ALPK2: variants seen among roughly 807,000 people sequenced by gnomAD.
ALPK2 encodes the protein alpha-protein kinase 2.
Under a neutral mutation model 163.1 loss-of-function variants are expected in ALPK2, and 127 were observed. The ratio of observed to expected loss-of-function variants is 0.78; its 90% CI spans 0.67 to 0.90. The LOEUF (loss-of-function observed/expected upper bound fraction) is 0.90. ALPK2 is among the 40% of genes least tolerant of loss of function. ALPK2 has a pLI of 0.00. For missense variants in ALPK2, 2,360 were observed against 2,589.6 expected, an observed-to-expected ratio of 0.91 and a Z score of 1.92; for synonymous variants, 953 against 959.1, an observed-to-expected ratio of 0.99 and a Z score of 0.12.
At chr18:58,547,296 A>G (rs1272139627) in intron 4 of ALPK2, among the ~76,000 whole-genome samples, 1 of 152,156 alleles carries the variant, frequency 6.6e-6, no homozygotes, top group Non-Finnish European at 1.5e-5. Context: ...AGGGAAAAGG[A>G]TACAGCATGT....
chr18:58,568,907 G>A (rs2051870875), intron 4 of ALPK2, among the ~76,000 whole-genome samples: 1 of 152,126 alleles, frequency 6.6e-6, no homozygotes. Flanking sequence ...CAGATACCAA[G>A]AGACAAGTCT....
Position 58,574,541 on chromosome 18 carries a change from C to T in ALPK2, c.1962+4273G>A, listed in dbSNP as rs555517537. ...GTAACTGTCTGTCTCCTGTTAGGAA[C>T]TGGGCCACGCAGCAGGAGGTGGGTG... On this transcript the variant is annotated intron_variant, in intron 4 of 12. Coordinates refer to ENST00000361673, the MANE Select transcript of ALPK2 (RefSeq NM_052947.4). Among the ~76,000 whole-genome samples the T allele has an allele frequency of 2.6e-5, 4 of 151,618 alleles. No homozygotes were observed. The South Asian group carries it at 8.3e-4, about 32-fold the overall frequency.
chr18:58,574,290 A>AG (rs1407174561), intron 4 of ALPK2, among the ~76,000 whole-genome samples: 2 of 151,600 alleles, frequency 1.3e-5, no homozygotes, highest in East Asian at 3.9e-4. Flanking sequence ...TAAAAAAAAA[A>AG]AAACAAAAAT....
At chr18:58,622,843 C>T (rs888692032) in intron 1 of ALPK2, among the ~76,000 whole-genome samples, 8 of 152,234 alleles carry the variant, frequency 5.3e-5, no homozygotes, top group Non-Finnish European at 8.8e-5. Context: ...ACTCCAAAGC[C>T]GCTCCAACTA....
In ALPK2 at chr18:58,590,752, TGAG is replaced by T. The variant is rs575143071; in HGVS notation, c.228-10207_228-10205del. ...AGTAACTTGATACCTTTCAAAACAA[TGAG>T]GAGATTCCTCATACATTTACCAATT... On this transcript the variant is annotated intron_variant, in intron 3 of 12. Coordinates refer to ENST00000361673, the MANE Select transcript of ALPK2 (RefSeq NM_052947.4). Among the ~76,000 whole-genome samples, 17 of 152,354 alleles carry T rather than the reference TGAG, an allele frequency of 1.1e-4. No homozygotes were observed. In the East Asian group the frequency reaches 2.7e-3, roughly 24 times the overall value.
At chr18:58,524,695 C>T (rs1006692323) in intron 6 of ALPK2, among the ~76,000 whole-genome samples, 2 of 152,100 alleles carry the variant, frequency 1.3e-5, no homozygotes, top group Non-Finnish European at 2.9e-5. Flanking sequence ...TGGTATGTAC[C>T]AGGCATTGTG....
chr18:58,496,628 GACACT>G, intron 12 of ALPK2, among the ~76,000 whole-genome samples: 1 of 152,322 alleles, frequency 6.6e-6, no homozygotes, highest in South Asian at 2.1e-4. Flanking sequence ...GATCGTGGCT[GACACT>G]GATGGTCTGA....
intron 12 of ALPK2, among the ~76,000 whole-genome samples, chr18:58,485,836 G>A (rs1416789066): frequency 6.6e-6 from 1 of 152,192 alleles, no homozygotes; most frequent in African/African-American, 2.4e-5. Flanking sequence ...CCTCAAATGG[G>A]GAGTGTCACG....
rs759098672 is a variant in ALPK2 at position 58,579,518 on chromosome 18, G to A, written c.1258C>T (p.His420Tyr). Residue 420 changes from histidine to tyrosine, a missense_variant, in exon 4 of 13, where the codon CAC becomes TAC. Coordinates refer to ENST00000361673, the MANE Select transcript of ALPK2 (RefSeq NM_052947.4). ...CCTGTTTGTGGGGATGAGGGACCGT[G>A]CTTGGAGACTCTGCTGCTCCTCACC... ...VGVRSSRVSK[H>Y]GPSSPQTGMT... is the part of the protein sequence containing the mutation. 1.1e-5 allele frequency: 17 copies of A among 1,613,794 alleles called. No individual in the cohort carries two copies. The highest frequency in any genetic ancestry group is 1.4e-5 in the Non-Finnish European group (16 of 1,180,026).
At chr18:58,615,952 C>T (rs1342988248) in intron 1 of ALPK2, among the ~76,000 whole-genome samples, 1 of 152,218 alleles carries the variant, frequency 6.6e-6, no homozygotes, top group Non-Finnish European at 1.5e-5. Context: ...AGAGCACTGA[C>T]TGTACTCTGG....
chr18:58,610,087 C>T (rs776877451), intron 2 of ALPK2, among the ~76,000 whole-genome samples: 4 of 151,912 alleles, frequency 2.6e-5, no homozygotes, highest in East Asian at 1.9e-4. Flanking sequence ...CCAACCTGGC[C>T]GACATAGCGA....
chr18:58,515,298 C>G (rs141219296), intron 9 of ALPK2, among the ~76,000 whole-genome samples: 95 of 152,212 alleles, frequency 6.2e-4, no homozygotes, highest in African/African-American at 2.2e-3. Context: ...GGGTGGAGAT[C>G]AAGTGGTCTC....
rs561282790 is a variant in ALPK2, at chr18:58,628,831, G to T, written c.-88C>A. The T allele has an allele frequency of 6.6e-6, 1 of 152,280 alleles. No homozygotes were observed. Among genetic ancestry groups the T allele is most frequent in the Non-Finnish European group, 1.5e-5 (1 of 68,082 alleles). 9.4% of individuals were successfully genotyped at this position (152,280 alleles called of 1,614,324 possible). A position where few individuals can be genotyped will look rare whatever the true frequency, so the allele number is the denominator to read the frequency against. On this transcript the variant is annotated 5_prime_UTR_variant, in exon 1 of 13. Coordinates refer to ENST00000361673, the MANE Select transcript of ALPK2 (RefSeq NM_052947.4). ...CTCAGCTGTGGATTCCCCAGGCTGT[G>T]TGTGAGGCATTGATTGGGTGTCCCT...
At chr18:58,565,730 TGTTCCTTCCTTC>T (rs2051848383) in intron 4 of ALPK2, among the ~76,000 whole-genome samples, 1 of 132,222 alleles carries the variant, frequency 7.6e-6, no homozygotes, top group African/African-American at 3.0e-5. Flanking sequence ...TTCTCTTTTT[TGTTCCTTCCTTC>T]CTTCCTTCCT....
At chr18:58,563,519 G>A (rs57452651) in intron 4 of ALPK2, among the ~76,000 whole-genome samples, 1,765 of 152,276 alleles carry the variant, frequency 0.012, 28 homozygotes, top group South Asian at 0.082. Context: ...GCATTAAGCT[G>A]AGAAAATGAC....
At chr18:58,556,571 G>A (rs1323997616) in intron 4 of ALPK2, among the ~76,000 whole-genome samples, 1 of 152,184 alleles carries the variant, frequency 6.6e-6, no homozygotes, top group Non-Finnish European at 1.5e-5. Context: ...TGGTGGAGCT[G>A]GTGGAGGAAG....
chr18:58,488,358 C>T (rs1322328837), intron 12 of ALPK2, among the ~76,000 whole-genome samples: 1 of 149,744 alleles, frequency 6.7e-6, no homozygotes, highest in Non-Finnish European at 1.5e-5. Flanking sequence ...ATTCCTCTCT[C>T]CTCTCATCCT....
At chr18:58,525,650 C>T (rs186923930) in intron 6 of ALPK2, among the ~76,000 whole-genome samples, 48 of 152,204 alleles carry the variant, frequency 3.2e-4, no homozygotes, top group Middle Eastern at 3.4e-3. Context: ...ACCCTGAGGC[C>T]GACCTCAGGT....
chr18:58,534,834 C>T lies in ALPK2; in HGVS notation c.5353G>A (p.Ala1785Thr). The T allele has an allele frequency of 6.2e-7, 1 of 1,605,078 alleles. No homozygotes were observed. The highest frequency in any genetic ancestry group is 8.5e-7 in the Non-Finnish European group (1 of 1,176,524). Residue 1785 changes from alanine to threonine, a missense_variant and splice_region_variant, in exon 5 of 13, where the codon GCT becomes ACT. By Grantham distance (58) the Ala-to-Thr change is moderately conservative. Coordinates refer to ENST00000361673, the MANE Select transcript of ALPK2 (RefSeq NM_052947.4). ...KKPSCKREGR[A>T]PVLLKKIQAE... is the part of the protein sequence containing the mutation. The stretch of plus-strand genomic sequence containing the variant: ...ATGATGGACAGCAACAGAACCTCAC[C>T]TCTTCCTTCTCTTTTGCAAGATGGC...
Sources: gnomAD v4.1 joint callset for allele counts (sites outside exome capture counted in the v4.1 genomes callset) on GRCh38, gnomAD v4.1.1 for gene constraint, MANE v1.5 for transcripts, NCBI Gene and HGNC (gene_info 2026-07-23, HGNC 2026-07-21) for gene names.